PHTF2: variants seen among roughly 807,000 people sequenced by gnomAD.
PHTF2 encodes protein PHTF2.
PHTF2 carries 60 observed loss-of-function variants against 101.2 expected under a neutral mutation model. The observed-to-expected ratio is 0.59, with a 90% CI of 0.48 to 0.73. PHTF2 has a LOEUF of 0.73. PHTF2 is among the 30% of genes least tolerant of loss of function. PHTF2 has a pLI of 0.00. For missense variants in PHTF2, 747 were observed against 908.7 expected, an observed-to-expected ratio of 0.82 and a Z score of 2.29; for synonymous variants, 311 against 307.3, an observed-to-expected ratio of 1.01 and a Z score of -0.13.
chr7:77,827,059 G>T (rs193201633), intron 1 of PHTF2, among the ~76,000 whole-genome samples: 2 of 152,342 alleles, frequency 1.3e-5, no homozygotes, highest in East Asian at 3.9e-4. Flanking sequence ...GATCTTTGGA[G>T]AAGTATAAGC....
chr7:77,835,444 C>T (rs1286400889), intron 1 of PHTF2, among the ~76,000 whole-genome samples: 1 of 152,110 alleles, frequency 6.6e-6, no homozygotes, highest in African/African-American at 2.4e-5. Context: ...TAGTGAGAGT[C>T]ATGCCAGAAC....
chr7:77,909,752 T>A (rs1295903174), intron 8 of PHTF2: 1 of 153,266 alleles, frequency 6.5e-6, no homozygotes, highest in African/African-American at 2.4e-5. Flanking sequence ...ACACTGGAGT[T>A]TGTTTTAAGG....
rs564798145 is a variant in PHTF2 at position 77,882,085 on chromosome 7, G to A, written c.148-11523G>A. Among the ~76,000 whole-genome samples, 79 of 152,264 alleles carry A rather than the reference G, an allele frequency of 5.2e-4. No homozygotes were observed. In the South Asian group the frequency reaches 0.016, roughly 32 times the overall value. ...ATCAGGATTCGTGATTTGATGATAG[G>A]TATGTGGTCTGTAGTATCCTTTTTT... On this transcript the variant is annotated intron_variant, in intron 3 of 19. Coordinates refer to ENST00000416283, the Ensembl canonical transcript of PHTF2.
intron 3 of PHTF2, among the ~76,000 whole-genome samples, chr7:77,890,680 A>G (rs1800316867): frequency 7.6e-6 from 1 of 132,026 alleles, no homozygotes. Context: ...ATCTCGGCTC[A>G]CCGCAAGCTC....
rs1196213800 is a variant in PHTF2, at chr7:77,803,498, T to C, written c.-36+4527T>C. On this transcript the variant is annotated intron_variant, in intron 1 of 19. Transcript: ENST00000416283. ...CAAGTCCTGATACTGCCATCACTGG[T>C]TGTGTGACATTGGACTCATTATGTA... 3.3e-5 allele frequency among the ~76,000 whole-genome samples: 5 copies of C among 152,330 alleles called. No homozygotes were observed. The East Asian group carries it at 9.6e-4, about 29-fold the overall frequency.
chr7:77,851,599 ATTT>A (rs199811713), intron 2 of PHTF2, among the ~76,000 whole-genome samples: 3 of 128,234 alleles, frequency 2.3e-5, no homozygotes, highest in Non-Finnish European at 5.1e-5. Context: ...TTCTGCTCTG[ATTT>A]TTTTTTTTTT....
chr7:77,822,936 G>C (rs1252037229), intron 1 of PHTF2, among the ~76,000 whole-genome samples: 12 of 135,004 alleles, frequency 8.9e-5, no homozygotes, highest in Non-Finnish European at 1.5e-4. Context: ...ACGGAGTCTC[G>C]CTCTGTCGCC....
chr7:77,851,550 C>A (rs1383857011), intron 2 of PHTF2, among the ~76,000 whole-genome samples: 1 of 149,440 alleles, frequency 6.7e-6, no homozygotes, highest in Non-Finnish European at 1.5e-5. Context: ...AAACTTATTT[C>A]ATTGATCTTT....
At chr7:77,849,813 A>C (rs543554320) in intron 2 of PHTF2, among the ~76,000 whole-genome samples, 101 of 152,248 alleles carry the variant, frequency 6.6e-4, no homozygotes, top group African/African-American at 2.3e-3. Context: ...CAGATTGTTC[A>C]CTGTTGGCAT....
intron 3 of PHTF2, among the ~76,000 whole-genome samples, chr7:77,862,346 T>A (rs1056077733): frequency 1.3e-5 from 2 of 152,176 alleles, no homozygotes; most frequent in Admixed American, 1.3e-4. Flanking sequence ...CATAATAGAA[T>A]GTTTTTGGTT....
intron 3 of PHTF2, among the ~76,000 whole-genome samples, chr7:77,859,997 T>G (rs954774904): frequency 1.3e-5 from 2 of 152,244 alleles, no homozygotes; most frequent in Non-Finnish European, 1.5e-5. Flanking sequence ...TGAGGTTTCC[T>G]TTCTTACTTA....
At position 77,924,884 on chromosome 7, in the gene PHTF2, G is replaced by A. The variant is rs980378986; in HGVS notation, c.1119+2106G>A. Reference sequence around the variant, plus strand: ...ATGTGTAGACTTTCATTTAATCCCCGGTTTTTGCCTTTTTCTACTATCTAC... The same window carrying A: ...ATGTGTAGACTTTCATTTAATCCCCAGTTTTTGCCTTTTTCTACTATCTAC... On this transcript the variant is annotated intron_variant, in intron 11 of 19. Coordinates refer to ENST00000416283, the Ensembl canonical transcript of PHTF2. Among the ~76,000 whole-genome samples, 5 of 152,200 alleles carry A rather than the reference G, an allele frequency of 3.3e-5. 1 individual carries two copies. In the East Asian group the frequency reaches 5.8e-4, roughly 18 times the overall value.
At chr7:77,906,107 C>A (rs952461745) in intron 7 of PHTF2, among the ~76,000 whole-genome samples, 1 of 152,122 alleles carries the variant, frequency 6.6e-6, no homozygotes, top group Non-Finnish European at 1.5e-5. Context: ...TCTGCCTCAG[C>A]CTCCCGAGTA....
At chr7:77,844,232 G>A (rs996212720) in intron 2 of PHTF2, among the ~76,000 whole-genome samples, 7 of 152,074 alleles carry the variant, frequency 4.6e-5, no homozygotes, top group East Asian at 1.9e-4. Context: ...GGCCTCAAGC[G>A]ATCCTCCTGC....
chr7:77,818,008 G>T (rs937606223), intron 1 of PHTF2, among the ~76,000 whole-genome samples: 1 of 151,872 alleles, frequency 6.6e-6, no homozygotes, highest in Non-Finnish European at 1.5e-5. Flanking sequence ...TACTTGGGAG[G>T]CTGAGGCAGG....
chr7:77,945,853 A>T (rs1192387078), intron 16 of PHTF2, among the ~76,000 whole-genome samples: 2 of 152,202 alleles, frequency 1.3e-5, no homozygotes, highest in East Asian at 1.9e-4. Flanking sequence ...CACCAACAAA[A>T]ATCCTCCATA....
chr7:77,903,410 A>G (rs1383431023), intron 7 of PHTF2, among the ~76,000 whole-genome samples: 1 of 152,230 alleles, frequency 6.6e-6, no homozygotes, highest in East Asian at 1.9e-4. Context: ...TTATTAGAGT[A>G]ATTCAGTACC....
chr7:77,948,625 T>G (rs950666316), intron 16 of PHTF2, among the ~76,000 whole-genome samples: 2 of 152,022 alleles, frequency 1.3e-5, no homozygotes, highest in Non-Finnish European at 2.9e-5. Flanking sequence ...AAAAAGTGGA[T>G]GTAGAATATA....
At chr7:77,867,326 G>A (rs1021197777) in intron 3 of PHTF2, among the ~76,000 whole-genome samples, 4 of 151,954 alleles carry the variant, frequency 2.6e-5, no homozygotes, top group Non-Finnish European at 5.9e-5. Context: ...GGTCGTTTTT[G>A]TGGATGGATA....
Sources: gnomAD v4.1 joint callset for allele counts (sites outside exome capture counted in the v4.1 genomes callset) on GRCh38, gnomAD v4.1.1 for gene constraint, MANE v1.5 for transcripts, NCBI Gene and HGNC (gene_info 2026-07-23, HGNC 2026-07-21) for gene names.